ABTB3: variants seen among roughly 807,000 people sequenced by gnomAD.
ABTB3 encodes ankyrin repeat and BTB domain containing 3.
the ABTB3 span, among the ~76,000 whole-genome samples, chr12:107,335,576 A>G: frequency 1.3e-5 from 2 of 152,216 alleles, no homozygotes; most frequent in Admixed American, 1.3e-4. Context: ...TTTTATATAT[A>G]CTGGGATTTT....
the ABTB3 span, among the ~76,000 whole-genome samples, chr12:107,424,985 A>C: frequency 2.6e-5 from 4 of 151,698 alleles, no homozygotes; most frequent in East Asian, 5.8e-4. Flanking sequence ...TGGTCTCCCC[A>C]CTCCAGTGGT....
the ABTB3 span, among the ~76,000 whole-genome samples, chr12:107,621,305 T>G: frequency 6.6e-6 from 1 of 152,078 alleles, no homozygotes; most frequent in Non-Finnish European, 1.5e-5. Context: ...CAAGCTTCGG[T>G]GAGTCCGTGA....
chr12:107,431,629 C>T, the ABTB3 span, among the ~76,000 whole-genome samples: 5 of 152,172 alleles, frequency 3.3e-5, no homozygotes, highest in East Asian at 1.9e-4. Flanking sequence ...CCCCCGCACC[C>T]GCCCCCAAAA....
At chr12:107,357,810 G>T in the ABTB3 span, among the ~76,000 whole-genome samples, 1 of 152,196 alleles carries the variant, frequency 6.6e-6, no homozygotes, top group Admixed American at 6.5e-5. Context: ...AGCAGCCTCT[G>T]GTCTGCCCTG....
chr12:107,630,252 T>C, the ABTB3 span, among the ~76,000 whole-genome samples: 8 of 152,216 alleles, frequency 5.3e-5, no homozygotes, highest in African/African-American at 1.9e-4. Context: ...CAGCCAGTGC[T>C]TGGCATTTAG....
At chr12:107,404,156 CTAACT>C in the ABTB3 span, among the ~76,000 whole-genome samples, 1 of 79,334 alleles carries the variant, frequency 1.3e-5, no homozygotes. Context: ...GAGAGAGACT[CTAACT>C]CAAAAAAAAA....
At chr12:107,442,544 A>G in the ABTB3 span, among the ~76,000 whole-genome samples, 1 of 152,238 alleles carries the variant, frequency 6.6e-6, no homozygotes, top group South Asian at 2.1e-4. Flanking sequence ...AAATGTTAGG[A>G]AACAGAGATG....
the ABTB3 span, among the ~76,000 whole-genome samples, chr12:107,590,469 C>A: frequency 1.2e-3 from 187 of 152,144 alleles, 7 homozygotes; most frequent in South Asian, 0.032. Context: ...TAGCAGGGAC[C>A]AGGGAAACTA....
chr12:107,642,654 A>C, the ABTB3 span, among the ~76,000 whole-genome samples: 1 of 152,172 alleles, frequency 6.6e-6, no homozygotes. Flanking sequence ...TTCCAGACAA[A>C]GAGAACAGCA....
At chr12:107,595,891 C>T in the ABTB3 span, among the ~76,000 whole-genome samples, 2 of 151,964 alleles carry the variant, frequency 1.3e-5, no homozygotes, top group South Asian at 2.1e-4. Flanking sequence ...TATATTATTT[C>T]ACATATTTAT....
the ABTB3 span, chr12:107,319,063 G>C: frequency 6.2e-7 from 1 of 1,613,376 alleles, no homozygotes; most frequent in Non-Finnish European, 8.5e-7. Flanking sequence ...GTTCCGACTC[G>C]CACCCGGCGT....
chr12:107,413,731 T>G, the ABTB3 span, among the ~76,000 whole-genome samples: 8 of 152,244 alleles, frequency 5.3e-5, no homozygotes, highest in South Asian at 2.1e-4. Context: ...GGCTTCACAT[T>G]AGCATCACCT....
At chr12:107,520,232 T>C in the ABTB3 span, 1 of 985,320 alleles carries the variant, frequency 1.0e-6, no homozygotes, top group Admixed American at 6.1e-5. Flanking sequence ...TTTTGTGTTC[T>C]TTGGAAATGT....
chr12:107,407,671 T>C, the ABTB3 span, among the ~76,000 whole-genome samples: 2 of 152,118 alleles, frequency 1.3e-5, no homozygotes, highest in African/African-American at 4.8e-5. Context: ...TCCCCTTTAG[T>C]GGAAAGAACT....
the ABTB3 span, among the ~76,000 whole-genome samples, chr12:107,513,146 A>G: frequency 6.6e-6 from 1 of 152,206 alleles, no homozygotes; most frequent in African/African-American, 2.4e-5. Context: ...CCTGGCCCAT[A>G]GTTTGTACTC....
the ABTB3 span, among the ~76,000 whole-genome samples, chr12:107,361,599 G>GC: frequency 3.3e-5 from 5 of 152,118 alleles, no homozygotes; most frequent in African/African-American, 1.2e-4. Context: ...GGCTTTGATT[G>GC]CCCCCCAGAA....
the ABTB3 span, among the ~76,000 whole-genome samples, chr12:107,394,058 T>C: frequency 1.3e-5 from 2 of 152,136 alleles, no homozygotes; most frequent in African/African-American, 4.8e-5. Flanking sequence ...AAAGCCAGGG[T>C]CCTTAACCAA....
At chr12:107,405,391 T>G in the ABTB3 span, among the ~76,000 whole-genome samples, 1 of 152,230 alleles carries the variant, frequency 6.6e-6, no homozygotes, top group African/African-American at 2.4e-5. Context: ...ATGGTAAGGA[T>G]CCAAGAGTCT....
At chr12:107,359,369 C>G in the ABTB3 span, among the ~76,000 whole-genome samples, 3 of 152,286 alleles carry the variant, frequency 2.0e-5, no homozygotes, top group East Asian at 3.9e-4. Context: ...GCTGTGCATC[C>G]TCTGGGCTTC....
Sources: gnomAD v4.1 joint callset for allele counts (sites outside exome capture counted in the v4.1 genomes callset) on GRCh38, gnomAD v4.1.1 for gene constraint, MANE v1.5 for transcripts, NCBI Gene and HGNC (gene_info 2026-07-23, HGNC 2026-07-21) for gene names.